Variants in ANKRD30B observed in about 807,000 individuals in gnomAD.
ANKRD30B encodes ankyrin repeat domain-containing protein 30B.
In ANKRD30B, 144 loss-of-function variants were observed where a neutral mutation model predicts 202.2. The observed-to-expected ratio is 0.71, with a 90% CI of 0.62 to 0.82. The LOEUF (loss-of-function observed/expected upper bound fraction) is 0.82, where lower values mean the gene tolerates loss of function less well. Among genes scored for constraint, ANKRD30B ranks in the 40% least tolerant of loss-of-function variants. ANKRD30B has a pLI of 0.00. For synonymous variants in ANKRD30B, 508 were observed against 561.3 expected (o/e 0.91, Z 1.34); for missense variants, 1,487 against 1,669.1 (o/e 0.89, Z 1.90).
At chr18:14,864,583 T>C in the ANKRD30B span, among the ~76,000 whole-genome samples, 1 of 151,790 alleles carries the variant, frequency 6.6e-6, no homozygotes, top group East Asian at 1.9e-4. Flanking sequence ...ACTTCCATTT[T>C]CCCCACCCAT....
chr18:14,779,568 G>A (rs1221787578), intron 10 of ANKRD30B, among the ~76,000 whole-genome samples: 3 of 152,080 alleles, frequency 2.0e-5, no homozygotes, highest in African/African-American at 7.2e-5. Flanking sequence ...AATAAAGATT[G>A]CTTAGTCAAT....
At chr18:14,755,029 T>TA in intron 4 of ANKRD30B, 24 bp downstream of exon 4, 1 of 1,285,434 alleles carries the variant, frequency 7.8e-7, no homozygotes, top group Non-Finnish European at 1.0e-6. Context: ...TTTTTTTTAC[T>TA]AAAAAACACT....
chr18:14,821,367 G>A (rs1970412799), intron 30 of ANKRD30B, among the ~76,000 whole-genome samples: 1 of 151,924 alleles, frequency 6.6e-6, no homozygotes. Context: ...ATTTCCTTCA[G>A]TTCTGCTCTG....
At chr18:14,854,147 A>C (rs1372407697) in intron 43 of ANKRD30B, among the ~76,000 whole-genome samples, 45 bp from the exon 44 acceptor site, 1 of 152,176 alleles carries the variant, frequency 6.6e-6, no homozygotes, top group African/African-American at 2.4e-5. Flanking sequence ...GCTTATTTTT[A>C]AAACTGTGGC....
the ANKRD30B span, among the ~76,000 whole-genome samples, chr18:14,902,903 T>G: frequency 0.51 from 78,241 of 152,130 alleles, 20,392 homozygotes; most frequent in African/African-American, 0.54. Flanking sequence ...GGGAAGCACT[T>G]GTTACAGGAC....
the ANKRD30B span, among the ~76,000 whole-genome samples, chr18:14,918,474 G>A: frequency 3.3e-5 from 5 of 152,144 alleles, no homozygotes; most frequent in Admixed American, 1.3e-4. Flanking sequence ...ATAGGCATAA[G>A]AGTGAATTCA....
At chr18:14,758,884 C>T (rs539109168) in intron 5 of ANKRD30B, among the ~76,000 whole-genome samples, 9 of 152,238 alleles carry the variant, frequency 5.9e-5, no homozygotes, top group Non-Finnish European at 8.8e-5. Context: ...CTTTATATCC[C>T]GTGTAGCACC....
chr18:14,760,538 A>G lies in ANKRD30B; in HGVS notation c.756-16A>G. 7.6e-7 allele frequency: 1 copy of G among 1,311,950 alleles called. No individual in the cohort carries two copies. The highest frequency in any genetic ancestry group is 1.4e-5 in the South Asian group (1 of 70,916). The allele number at this position is 1,311,950 out of a possible 1,614,324, so 81.3% of individuals were successfully genotyped here. ...TGTTAAAATAGTAATTTTATTTATT[A>G]CATTTTTATACATAGCATTCATCAA... On this transcript the variant is annotated splice_polypyrimidine_tract_variant and intron_variant, in intron 5 of 43. Coordinates refer to ENST00000690538, the MANE Select transcript of ANKRD30B (RefSeq NM_001367607.2).
chr18:14,936,580 T>A, the ANKRD30B span, among the ~76,000 whole-genome samples: 2 of 152,102 alleles, frequency 1.3e-5, no homozygotes, highest in Non-Finnish European at 2.9e-5. Flanking sequence ...GAAATGATAG[T>A]CCTTGCCTTG....
chr18:14,865,463 A>G, the ANKRD30B span, among the ~76,000 whole-genome samples: 1 of 149,458 alleles, frequency 6.7e-6, no homozygotes, highest in East Asian at 2.0e-4. Flanking sequence ...TATTTTTGCA[A>G]ACCTTCTCTC....
chr18:14,913,145 G>C, the ANKRD30B span, among the ~76,000 whole-genome samples: 1 of 152,236 alleles, frequency 6.6e-6, no homozygotes. Context: ...TGTGGAATCT[G>C]TGGCCCTTTA....
chr18:14,884,421 A>G, the ANKRD30B span, among the ~76,000 whole-genome samples: 9 of 152,136 alleles, frequency 5.9e-5, no homozygotes, highest in Admixed American at 2.0e-4. Flanking sequence ...CTCATGAGCC[A>G]CATAAACTAT....
chr18:14,804,593 C>A (rs975108544), intron 24 of ANKRD30B, among the ~76,000 whole-genome samples: 1 of 150,430 alleles, frequency 6.6e-6, no homozygotes, highest in Non-Finnish European at 1.5e-5. Context: ...AGATGAGAGA[C>A]CTTTGTGGGA....
At position 14,752,900 on chromosome 18, in the gene ANKRD30B, A is replaced by T. The variant is rs771819072; in HGVS notation, c.398A>T (p.Asn133Ile). 2 of 1,606,918 alleles carry T rather than the reference A, an allele frequency of 1.2e-6. No individual in the cohort carries two copies. The highest frequency in any genetic ancestry group is 1.6e-4 in the Middle Eastern group (1 of 6,062). Residue 133 changes from asparagine to isoleucine, a missense_variant, in exon 3 of 44, where the codon AAT (asparagine) becomes ATT (isoleucine). By Grantham distance (149) the Asn-to-Ile change is moderately radical. This residue lies in a region of ANKRD30B where 889 missense variants were observed against 841.4 expected (regional missense o/e 1.06). Coordinates refer to ENST00000690538, the MANE Select transcript of ANKRD30B (RefSeq NM_001367607.2). ...CTCATAGATGCTGGTGCTGATCTAA[A>T]TTATGTAGATGTGTATGGCAACACG... ...NILIDAGADL[N>I]YVDVYGNTAL...
chr18:14,821,194 G>A (rs965303012), intron 30 of ANKRD30B, among the ~76,000 whole-genome samples: 3 of 152,042 alleles, frequency 2.0e-5, no homozygotes, highest in Admixed American at 6.6e-5. Flanking sequence ...GTATTTCTGT[G>A]GGATCGGTGG....
At chr18:14,926,464 GCCAGGATT>G in the ANKRD30B span, among the ~76,000 whole-genome samples, 1 of 152,148 alleles carries the variant, frequency 6.6e-6, no homozygotes, top group Non-Finnish European at 1.5e-5. Flanking sequence ...GGGCATCCCA[GCCAGGATT>G]CCACACATTG....
At chr18:14,818,314 C>A (rs184790260) in intron 30 of ANKRD30B, among the ~76,000 whole-genome samples, 105 of 152,018 alleles carry the variant, frequency 6.9e-4, no homozygotes, top group Middle Eastern at 3.4e-3. Context: ...TATAAAAATT[C>A]TCTGGAAATT....
chr18:14,871,451 TG>T, the ANKRD30B span, among the ~76,000 whole-genome samples: 1 of 151,264 alleles, frequency 6.6e-6, no homozygotes, highest in Non-Finnish European at 1.5e-5. Context: ...ACTAGGCTGA[TG>T]GGGACAAAGA....
chr18:14,833,253 T>G (rs1971031695), intron 34 of ANKRD30B, among the ~76,000 whole-genome samples: 1 of 151,738 alleles, frequency 6.6e-6, no homozygotes, highest in Non-Finnish European at 1.5e-5. Context: ...ATGTTCTTTT[T>G]TTTTTCTTTT....
Sources: allele counts gnomAD v4.1 joint callset (sites outside exome capture counted in the v4.1 genomes callset), GRCh38; gene constraint gnomAD v4.1.1; regional missense constraint gnomAD v4.1.1; transcripts MANE v1.5; gene names NCBI Gene and HGNC (gene_info 2026-07-23, HGNC 2026-07-21).